Variants in LRRC4C observed in about 807,000 individuals in gnomAD.
The protein encoded by LRRC4C is leucine-rich repeat-containing protein 4C.
In LRRC4C, 5 loss-of-function variants were observed where a neutral mutation model predicts 33.6. The ratio of observed to expected loss-of-function variants is 0.15; its 90% CI spans 0.08 to 0.31. The LOEUF is 0.31. LRRC4C is among the 10% of genes least tolerant of loss of function. The pLI, the probability that LRRC4C is intolerant of heterozygous loss-of-function variation, is 1.00. For synonymous variants in LRRC4C, 329 were observed against 302.0 expected (o/e 1.09, Z -0.93); for missense variants, 560 against 796.7 (o/e 0.70, Z 3.58).
chr11:40,539,585 A>G (rs1956620594), intron 3 of LRRC4C, among the ~76,000 whole-genome samples: 1 of 152,150 alleles, frequency 6.6e-6, no homozygotes, highest in African/African-American at 2.4e-5. Context: ...AAAGTACAAA[A>G]AGATGGGGAT....
chr11:40,808,001 G>GT (rs1436912800), intron 2 of LRRC4C, among the ~76,000 whole-genome samples: 10 of 152,160 alleles, frequency 6.6e-5, no homozygotes, highest in Non-Finnish European at 8.8e-5. Context: ...CTAATTACCA[G>GT]TTTTTTTATC....
intron 1 of LRRC4C, among the ~76,000 whole-genome samples, chr11:41,087,131 G>T (rs1234653124): frequency 2.0e-5 from 3 of 152,040 alleles, no homozygotes; most frequent in Admixed American, 6.6e-5. Context: ...ACCCTTAACA[G>T]ATTCCCTCTT....
chr11:41,086,860 A>G (rs998953074), intron 1 of LRRC4C, among the ~76,000 whole-genome samples: 3 of 151,944 alleles, frequency 2.0e-5, no homozygotes, highest in East Asian at 3.9e-4. Context: ...AACAAGATTA[A>G]TAAGTCTGCA....
Position 40,660,556 on chromosome 11 carries a change from A to G in LRRC4C, c.-406-12278T>C, listed in dbSNP as rs1444897882. 5.9e-5 allele frequency among the ~76,000 whole-genome samples: 9 copies of G among 152,312 alleles called. No homozygotes were observed. In the South Asian group the frequency reaches 6.2e-4, roughly 11 times the overall value. ...CCATTCTAATGAGAGGCCAAATCCT[A>G]TATCTCGTTGAGACATTTGCCACAT... On this transcript the variant is annotated intron_variant, in intron 2 of 6. Coordinates refer to ENST00000528697, the MANE Select transcript of LRRC4C (RefSeq NM_001258419.2).
intron 1 of LRRC4C, among the ~76,000 whole-genome samples, chr11:41,408,768 C>T (rs1055897489): frequency 3.7e-5 from 4 of 108,684 alleles, no homozygotes; most frequent in South Asian, 2.7e-4. Flanking sequence ...AAAAAAAAAA[C>T]TGAGTCTCTC....
chr11:40,387,725 A>G (rs1182783762), intron 3 of LRRC4C, among the ~76,000 whole-genome samples: 1 of 152,178 alleles, frequency 6.6e-6, no homozygotes, highest in African/African-American at 2.4e-5. Flanking sequence ...TTATGGTTCC[A>G]ACAGTAGTAG....
chr11:41,028,720 T>C (rs1856538650), intron 1 of LRRC4C, among the ~76,000 whole-genome samples: 1 of 151,642 alleles, frequency 6.6e-6, no homozygotes, highest in Non-Finnish European at 1.5e-5. Context: ...ATTTATCCAA[T>C]AATTTTACTT....
rs1045450895 is a variant in LRRC4C at position 40,203,314 on chromosome 11, C to T, written c.-96+38205G>A. On this transcript the variant is annotated intron_variant, in intron 5 of 6. Transcript: ENST00000528697. ...CAACATTTAATAAAAACAAAAGCTA[C>T]AAACTATATCTGAAAGCCTTTTAAG... 4.6e-5 allele frequency among the ~76,000 whole-genome samples: 7 copies of T among 152,248 alleles called. No homozygotes were observed. The South Asian group carries it at 6.2e-4, about 14-fold the overall frequency.
At chr11:40,179,576 G>A (rs1860809602) in intron 5 of LRRC4C, among the ~76,000 whole-genome samples, 1 of 152,112 alleles carries the variant, frequency 6.6e-6, no homozygotes. Flanking sequence ...GTAAGCACCT[G>A]CTTACTTTGT....
intron 2 of LRRC4C, among the ~76,000 whole-genome samples, chr11:40,704,720 G>A (rs578207142): frequency 2.6e-5 from 4 of 152,180 alleles, no homozygotes; most frequent in South Asian, 2.1e-4. Flanking sequence ...AGTAACATAC[G>A]TCAAGTGCTT....
At chr11:41,450,774 C>T (rs1955993213) in intron 1 of LRRC4C, among the ~76,000 whole-genome samples, 1 of 152,122 alleles carries the variant, frequency 6.6e-6, no homozygotes, top group Non-Finnish European at 1.5e-5. Flanking sequence ...CTACCAAATA[C>T]TTTTTGATGT....
intron 2 of LRRC4C, among the ~76,000 whole-genome samples, chr11:40,749,963 T>C (rs1263600567): frequency 2.0e-5 from 3 of 152,070 alleles, no homozygotes; most frequent in African/African-American, 7.2e-5. Context: ...AACAGACCAA[T>C]AATTAGTAAC....
intron 3 of LRRC4C, among the ~76,000 whole-genome samples, chr11:40,547,843 G>T (rs1197797858): frequency 6.6e-6 from 1 of 151,984 alleles, no homozygotes; most frequent in Admixed American, 6.6e-5. Flanking sequence ...TTTCACAAAG[G>T]CCAGAGAATA....
intron 2 of LRRC4C, among the ~76,000 whole-genome samples, chr11:40,897,484 T>C (rs760691584): frequency 2.6e-5 from 4 of 152,186 alleles, no homozygotes; most frequent in African/African-American, 2.4e-5. Flanking sequence ...ATCCCAATGA[T>C]AGTGGGGATT....
At chr11:40,361,071 T>C (rs2137168008) in intron 3 of LRRC4C, among the ~76,000 whole-genome samples, 1 of 152,276 alleles carries the variant, frequency 6.6e-6, no homozygotes, top group Non-Finnish European at 1.5e-5. Context: ...ACTCTAACTA[T>C]ACTAGGTGTT....
intron 3 of LRRC4C, among the ~76,000 whole-genome samples, chr11:40,637,477 T>C (rs938625140): frequency 6.6e-6 from 1 of 152,182 alleles, no homozygotes; most frequent in African/African-American, 2.4e-5. Flanking sequence ...GAAGTAGATA[T>C]TATTTATTTT....
intron 1 of LRRC4C, among the ~76,000 whole-genome samples, chr11:40,995,292 C>T (rs116689961): frequency 0.012 from 1,842 of 152,148 alleles, 40 homozygotes; most frequent in African/African-American, 0.042. Flanking sequence ...AGAGGGAATA[C>T]CTTGTTCTTA....
intron 6 of LRRC4C, among the ~76,000 whole-genome samples, chr11:40,138,221 G>A (rs901493341): frequency 1.3e-5 from 2 of 151,404 alleles, no homozygotes; most frequent in African/African-American, 4.9e-5. Flanking sequence ...AGGCTAGAGT[G>A]CAATGGTGCA....
intron 2 of LRRC4C, among the ~76,000 whole-genome samples, chr11:40,844,157 G>A (rs1473744633): frequency 6.6e-6 from 1 of 151,680 alleles, no homozygotes; most frequent in African/African-American, 2.4e-5. Flanking sequence ...AATTGAACTA[G>A]TTTACAGTCA....
Sources: allele counts gnomAD v4.1 joint callset (sites outside exome capture counted in the v4.1 genomes callset), GRCh38; gene constraint gnomAD v4.1.1; transcripts MANE v1.5; gene names NCBI Gene and HGNC (gene_info 2026-07-23, HGNC 2026-07-21).